CTSS: variants seen among roughly 807,000 people sequenced by gnomAD.
CTSS encodes the protein cathepsin S.
Under a neutral mutation model 39.9 loss-of-function variants are expected in CTSS, and 15 were observed. The observed-to-expected ratio is 0.38, with a 90% CI of 0.25 to 0.58. CTSS has a LOEUF of 0.58. Among genes scored for constraint, CTSS ranks in the 20% least tolerant of loss-of-function variants. CTSS has a pLI of 0.70. For synonymous variants in CTSS, 126 were observed against 138.2 expected, an observed-to-expected ratio of 0.91 and a Z score of 0.62; for missense variants, 250 against 398.2, an observed-to-expected ratio of 0.63 and a Z score of 3.17.
In CTSS at chr1:150,757,547, A is replaced by G. The variant is rs952337433; in HGVS notation, c.249+311T>C. The stretch of plus-strand genomic sequence containing the variant: ...CAATCTAGACTTAAATAAGTATGGC[A>G]ACTTGCTATAAAAACCTGTCAATAG... On this transcript the variant is annotated intron_variant, in intron 3 of 7. Coordinates refer to ENST00000368985, the MANE Select transcript of CTSS (RefSeq NM_004079.5). Among the ~76,000 whole-genome samples, 3 of 152,176 alleles carry G rather than the reference A, an allele frequency of 2.0e-5. No individual in the cohort carries two copies. The South Asian group carries it at 6.2e-4, about 32-fold the overall frequency.
chr1:150,758,849 ATT>A (rs35292598), intron 2 of CTSS, among the ~76,000 whole-genome samples: 24 of 127,372 alleles, frequency 1.9e-4, no homozygotes, highest in East Asian at 2.2e-4. Context: ...CGCGCCCAGC[ATT>A]TTTTTTTTTT....
chr1:150,749,983 T>G, intron 6 of CTSS, 23 bp downstream of exon 6: 1 of 1,565,486 alleles, frequency 6.4e-7, no homozygotes, highest in Non-Finnish European at 8.7e-7. Flanking sequence ...TAAATTCTAA[T>G]TATTGTTTAT....
chr1:150,748,046 G>T (rs1372802328), intron 6 of CTSS, 167 bp from the exon 7 acceptor site: 3 of 530,070 alleles, frequency 5.7e-6, no homozygotes, highest in Non-Finnish European at 6.7e-6. Context: ...AATCCCAGAA[G>T]TTTGGGAGGC....
At chr1:150,735,948 TG>T (rs1037806683) in intron 7 of CTSS, among the ~76,000 whole-genome samples, 1 of 151,802 alleles carries the variant, frequency 6.6e-6, no homozygotes, top group Non-Finnish European at 1.5e-5. Flanking sequence ...TTAGTAGAGA[TG>T]GGGTTTTACC....
At chr1:150,764,033 AC>A (rs1312060629) in intron 2 of CTSS, among the ~76,000 whole-genome samples, 1 of 151,546 alleles carries the variant, frequency 6.6e-6, no homozygotes, top group Non-Finnish European at 1.5e-5. Flanking sequence ...TACCACCACC[AC>A]CACCCAGGGC....
At position 150,765,723 on chromosome 1, in the gene CTSS, C is replaced by CGGTA. The variant is rs952736545; in HGVS notation, c.-28_-27insTACC. On this transcript the variant is annotated 5_prime_UTR_variant, in exon 1 of 8. Transcript: ENST00000368985. ...GTGATAGAACCAGCAGTTGCTCCCACAGTAAGAGTCCTTGAATTAGTGGGC... is the reference window on the plus strand; with the variant it reads ...GTGATAGAACCAGCAGTTGCTCCCACGGTAAGTAAGAGTCCTTGAATTAGTGGGC... 2.0e-5 allele frequency: 3 copies of CGGTA among 152,188 alleles called. No homozygotes were observed. The highest frequency in any genetic ancestry group is 4.8e-5 in the African/African-American group (2 of 41,456). 9.4% of individuals were successfully genotyped at this position (152,188 alleles called of 1,614,324 possible).
At chr1:150,750,804 C>G (rs1310216883) in intron 5 of CTSS, among the ~76,000 whole-genome samples, 1 of 151,878 alleles carries the variant, frequency 6.6e-6, no homozygotes, top group East Asian at 1.9e-4. Flanking sequence ...CCATGCCTGG[C>G]TAATTTTTTT....
chr1:150,740,300 AGGAGATAG>A (rs1427187158), intron 7 of CTSS, among the ~76,000 whole-genome samples: 2 of 152,250 alleles, frequency 1.3e-5, no homozygotes, highest in East Asian at 3.8e-4. Context: ...TGGGGTATGA[AGGAGATAG>A]TATTTGAGGC....
chr1:150,744,349 G>T, intron 7 of CTSS, among the ~76,000 whole-genome samples: 3 of 15,766 alleles, frequency 1.9e-4, no homozygotes, highest in Non-Finnish European at 2.8e-4. Flanking sequence ...TGTATATTAT[G>T]TATACATAAT....
At position 150,764,666 on chromosome 1, in the gene CTSS, T is replaced by A. The variant is rs587595911; in HGVS notation, c.98A>T (p.Lys33Ile). ...TLDHHWHLWKKTYGKQYKEKN... is the reference protein window; with the variant it reads ...TLDHHWHLWKITYGKQYKEKN... ...TTCCTTGTATTGTTTGCCATAGGTTTTCTTCCAGAGATGCCAGTGGTGATC... is the reference window on the plus strand; with the variant it reads ...TTCCTTGTATTGTTTGCCATAGGTTATCTTCCAGAGATGCCAGTGGTGATC... Residue 33 changes from lysine to isoleucine, a missense_variant, in exon 2 of 8, where the codon AAA becomes ATA. Transcript: ENST00000368985. 1 of 1,614,208 alleles carries A rather than the reference T, an allele frequency of 6.2e-7. No homozygotes were observed. The highest frequency in any genetic ancestry group is 1.3e-5 in the African/African-American group (1 of 75,064).
At chr1:150,734,935 C>G (rs1652602878) in intron 7 of CTSS, among the ~76,000 whole-genome samples, 1 of 152,036 alleles carries the variant, frequency 6.6e-6, no homozygotes, top group Admixed American at 6.6e-5. Flanking sequence ...TCATACAAGG[C>G]AAAATTCATT....
At chr1:150,750,591 G>A (rs1415689924) in intron 5 of CTSS, among the ~76,000 whole-genome samples, 2 of 152,112 alleles carry the variant, frequency 1.3e-5, no homozygotes, top group Non-Finnish European at 2.9e-5. Context: ...GAAAAGGAAA[G>A]TTACAAATTC....
chr1:150,735,635 T>C (rs1652619527), intron 7 of CTSS, among the ~76,000 whole-genome samples: 1 of 152,084 alleles, frequency 6.6e-6, no homozygotes, highest in South Asian at 2.1e-4. Context: ...GTTGCCCTGG[T>C]TGGAGTGTGG....
chr1:150,751,739 A>T, intron 5 of CTSS, 42 bp downstream of exon 5: 1 of 1,571,542 alleles, frequency 6.4e-7, no homozygotes, highest in Non-Finnish European at 8.8e-7. Context: ...AGTGGATAAC[A>T]TGAGATCATG....
At chr1:150,747,414 G>C (rs977698098) in intron 7 of CTSS, among the ~76,000 whole-genome samples, 2 of 152,158 alleles carry the variant, frequency 1.3e-5, no homozygotes, top group Non-Finnish European at 2.9e-5. Flanking sequence ...AGTCCTAAGA[G>C]TGGAATTATA....
chr1:150,745,260 C>T (rs1014442792), intron 7 of CTSS, among the ~76,000 whole-genome samples: 1 of 152,134 alleles, frequency 6.6e-6, no homozygotes, highest in Admixed American at 6.5e-5. Flanking sequence ...CCTCCAGTAC[C>T]TCAGAATGTG....
chr1:150,751,420 G>C (rs1365437825), intron 5 of CTSS, among the ~76,000 whole-genome samples: 1 of 151,854 alleles, frequency 6.6e-6, no homozygotes. Flanking sequence ...GCTAATTTTT[G>C]TATTTTTGGT....
At chr1:150,742,796 A>C (rs1174084526) in intron 7 of CTSS, among the ~76,000 whole-genome samples, 2 of 152,188 alleles carry the variant, frequency 1.3e-5, no homozygotes, top group Non-Finnish European at 2.9e-5. Context: ...AATAATCTGA[A>C]GATGGTAATA....
chr1:150,733,960 TAGA>T (rs1217979179), intron 7 of CTSS, among the ~76,000 whole-genome samples: 1 of 152,130 alleles, frequency 6.6e-6, no homozygotes, highest in Non-Finnish European at 1.5e-5. Flanking sequence ...TTAATGGACT[TAGA>T]GGAGTTCAAA....
Sources: allele counts gnomAD v4.1 joint callset (sites outside exome capture counted in the v4.1 genomes callset), GRCh38; gene constraint gnomAD v4.1.1; transcripts MANE v1.5; gene names NCBI Gene and HGNC (gene_info 2026-07-23, HGNC 2026-07-21).